SIPA1L1: variants seen among roughly 807,000 people sequenced by gnomAD.
The protein encoded by SIPA1L1 is signal-induced proliferation-associated 1-like protein 1.
SIPA1L1 carries 26 observed loss-of-function variants against 162.7 expected under a neutral mutation model. The ratio of observed to expected loss-of-function variants is 0.16; its 90% CI spans 0.12 to 0.22. SIPA1L1 has a LOEUF of 0.22. Ranked by LOEUF, SIPA1L1 falls within the 10% of genes least tolerant of loss-of-function variation. The pLI is 1.00. For missense variants in SIPA1L1, 1,874 were observed against 2,241.0 expected, an observed-to-expected ratio of 0.84 and a Z score of 3.31; for synonymous variants, 829 against 837.4, an observed-to-expected ratio of 0.99 and a Z score of 0.17.
intron 2 of SIPA1L1, among the ~76,000 whole-genome samples, chr14:71,509,075 G>C (rs924161998): frequency 1.3e-5 from 2 of 152,150 alleles, no homozygotes; most frequent in Admixed American, 1.3e-4. Context: ...ATTCTGCTAG[G>C]AAAATTTATT....
intron 2 of SIPA1L1, among the ~76,000 whole-genome samples, chr14:71,371,893 T>C (rs1452400856): frequency 6.6e-6 from 1 of 152,200 alleles, no homozygotes; most frequent in Admixed American, 6.5e-5. Context: ...AAAACAGTTC[T>C]AAGTGGCATA....
At chr14:71,323,906 G>A (rs369241711) in intron 2 of SIPA1L1, among the ~76,000 whole-genome samples, 2 of 152,096 alleles carry the variant, frequency 1.3e-5, no homozygotes, top group Admixed American at 6.5e-5. Context: ...TGATGCCCTC[G>A]TAAAGGTTAT....
chr14:71,445,904 A>G (rs962859725), intron 2 of SIPA1L1, among the ~76,000 whole-genome samples: 3 of 152,190 alleles, frequency 2.0e-5, no homozygotes, highest in Non-Finnish European at 2.9e-5. Flanking sequence ...GTTGGAGTGC[A>G]GTGGCCCAGT....
At chr14:71,487,421 G>C (rs1007979864) in intron 2 of SIPA1L1, among the ~76,000 whole-genome samples, 2 of 152,180 alleles carry the variant, frequency 1.3e-5, no homozygotes, top group Non-Finnish European at 2.9e-5. Context: ...CATGCATTCT[G>C]TATATCCATC....
At chr14:71,424,348 C>T (rs538602925) in intron 2 of SIPA1L1, among the ~76,000 whole-genome samples, 5 of 151,942 alleles carry the variant, frequency 3.3e-5, no homozygotes, top group East Asian at 1.9e-4. Context: ...TTGCCTTGTT[C>T]GTGATGTTAG....
At chr14:71,502,242 G>GAAAA (rs139102210) in intron 2 of SIPA1L1, among the ~76,000 whole-genome samples, 12 of 108,324 alleles carry the variant, frequency 1.1e-4, no homozygotes, top group African/African-American at 3.7e-4. Context: ...TGAGATACTT[G>GAAAA]AAAAAAAAAA....
At chr14:71,640,709 C>T (rs2041624200) in intron 7 of SIPA1L1, among the ~76,000 whole-genome samples, 1 of 152,234 alleles carries the variant, frequency 6.6e-6, no homozygotes, top group African/African-American at 2.4e-5. Flanking sequence ...ACTGCAACCT[C>T]CGCCTCCTGA....
chr14:71,604,155 G>A (rs892821593), intron 5 of SIPA1L1, among the ~76,000 whole-genome samples: 2 of 150,746 alleles, frequency 1.3e-5, no homozygotes, highest in African/African-American at 2.4e-5. Context: ...ATGCCACCAC[G>A]CCTGGCTCAC....
At chr14:71,595,228 C>G (rs1211611613) in intron 5 of SIPA1L1, among the ~76,000 whole-genome samples, 1 of 152,322 alleles carries the variant, frequency 6.6e-6, no homozygotes, top group East Asian at 1.9e-4. Context: ...AAGAGCCAGT[C>G]ATATAAAAAC....
At chr14:71,694,213 G>T (rs1230738571) in intron 13 of SIPA1L1, among the ~76,000 whole-genome samples, 3 of 152,052 alleles carry the variant, frequency 2.0e-5, no homozygotes, top group Admixed American at 6.6e-5. Context: ...AGGGGTGGTT[G>T]TGTTAGAAAT....
chr14:71,349,359 C>A (rs925492231), intron 2 of SIPA1L1, among the ~76,000 whole-genome samples: 3 of 152,072 alleles, frequency 2.0e-5, no homozygotes, highest in Non-Finnish European at 4.4e-5. Context: ...TAAGATGGGT[C>A]GGAGAATTCC....
At chr14:71,326,785 C>G (rs1393592974) in intron 2 of SIPA1L1, among the ~76,000 whole-genome samples, 1 of 142,072 alleles carries the variant, frequency 7.0e-6, no homozygotes, top group Admixed American at 7.4e-5. Context: ...CATCTCTGCT[C>G]ACTGCAACCT....
Position 71,377,722 on chromosome 14 carries a change from C to T in SIPA1L1, c.-465+56541C>T, listed in dbSNP as rs1251677706. 6.6e-6 allele frequency among the ~76,000 whole-genome samples: 1 copy of T among 152,252 alleles called. No individual in the cohort carries two copies. On this transcript the variant is annotated intron_variant, in intron 2 of 23. Coordinates refer to ENST00000381232, the MANE Select transcript of SIPA1L1 (RefSeq NM_001386936.1). This position sits in a 1 kb window ranked among gnomAD's most constrained non-coding sequence, Gnocchi z 4.8. ...GAGTGAGTGAGACTCCGTCTGCAAT[C>T]CTGGCACCTCGGGAGGCCGAGGCGG...
At chr14:71,559,564 G>A (rs2056618818) in intron 4 of SIPA1L1, among the ~76,000 whole-genome samples, 2 of 152,168 alleles carry the variant, frequency 1.3e-5, no homozygotes. Context: ...TCATAGAGAT[G>A]TTATGTGAAA....
intron 7 of SIPA1L1, among the ~76,000 whole-genome samples, chr14:71,638,303 T>C (rs1383461020): frequency 6.6e-6 from 1 of 151,848 alleles, no homozygotes; most frequent in African/African-American, 2.4e-5. Context: ...AAAAAAAAAT[T>C]AGCAAATATA....
chr14:71,439,098 C>G (rs12879243), intron 2 of SIPA1L1, among the ~76,000 whole-genome samples: 24,804 of 152,104 alleles, frequency 0.16, 2,637 homozygotes, highest in Middle Eastern at 0.35. Context: ...GCTGTCATCA[C>G]TCTAACCCAG....
At position 71,637,576 on chromosome 14, in the gene SIPA1L1, A is replaced by T. The variant is rs559953519; in HGVS notation, c.1819-12759A>T. 2.6e-4 allele frequency among the ~76,000 whole-genome samples: 40 copies of T among 151,498 alleles called. 1 individual carries two copies. Among genetic ancestry groups the T allele is most frequent in the East Asian group, 5.8e-4 (3 of 5,156 alleles). ...GAGACACTGTCTCTACAAAAAATTT[A>T]AAAAAAAAGTATCCAGGCTTGGTGG... On this transcript the variant is annotated intron_variant, in intron 7 of 23. Transcript: ENST00000381232.
At chr14:71,672,739 T>C in intron 12 of SIPA1L1, 117 bp downstream of exon 12, 1 of 1,085,894 alleles carries the variant, frequency 9.2e-7, no homozygotes, top group Non-Finnish European at 1.3e-6. Flanking sequence ...AGGTTACATG[T>C]GATGCTGAAT....
At chr14:71,326,678 A>G (rs900077728) in intron 2 of SIPA1L1, among the ~76,000 whole-genome samples, 9 of 135,366 alleles carry the variant, frequency 6.6e-5, no homozygotes, top group Non-Finnish European at 1.1e-4. Flanking sequence ...TTTTCTTCAT[A>G]TTGTAAATTA....
Sources: allele counts gnomAD v4.1 joint callset (sites outside exome capture counted in the v4.1 genomes callset), GRCh38; gene constraint gnomAD v4.1.1; non-coding constraint Gnocchi (gnomAD v3.1); transcripts MANE v1.5; gene names NCBI Gene and HGNC (gene_info 2026-07-23, HGNC 2026-07-21).